FGD1: variants seen among roughly 807,000 people sequenced by gnomAD.
The protein encoded by FGD1 is FYVE, RhoGEF and PH domain-containing protein 1.
Under a neutral mutation model 65.0 loss-of-function variants are expected in FGD1, and 12 were observed. The observed-to-expected ratio is 0.18, with a 90% CI of 0.12 to 0.30. The LOEUF (loss-of-function observed/expected upper bound fraction) is 0.30. FGD1 is among the 10% of genes least tolerant of loss of function. The pLI is 1.00. For missense variants in FGD1, 542 were observed against 837.6 expected (o/e 0.65, Z 4.36); for synonymous variants, 333 against 343.9 (o/e 0.97, Z 0.35).
At chrX:54,464,267 G>A (rs1259231677) in intron 8 of FGD1, among the ~76,000 whole-genome samples, 1 of 108,548 alleles carries the variant, frequency 9.2e-6, no homozygotes, top group East Asian at 2.9e-4. Flanking sequence ...CCAAGTAGCT[G>A]GGATTACAGG....
At chrX:54,478,427 G>A (rs1923068891) in intron 1 of FGD1, among the ~76,000 whole-genome samples, 1 of 109,049 alleles carries the variant, frequency 9.2e-6, no homozygotes, top group African/African-American at 3.3e-5. Flanking sequence ...ATAAAACTAT[G>A]ATACTTGACT....
At chrX:54,486,720 G>A (rs1189413118) in intron 1 of FGD1, among the ~76,000 whole-genome samples, 1 of 106,151 alleles carries the variant, frequency 9.4e-6, no homozygotes, top group African/African-American at 3.4e-5. Flanking sequence ...CTGGCATGGT[G>A]GCTCATGCTT....
chrX:54,462,889 T>G (rs1218605187), intron 8 of FGD1, among the ~76,000 whole-genome samples: 1 of 107,925 alleles, frequency 9.3e-6, no homozygotes, highest in African/African-American at 3.4e-5. Flanking sequence ...CTCAGCCTCC[T>G]GACTAGCTGG....
At chrX:54,481,164 A>G (rs1358135437) in intron 1 of FGD1, among the ~76,000 whole-genome samples, 1 of 109,165 alleles carries the variant, frequency 9.2e-6, no homozygotes, top group Non-Finnish European at 1.9e-5. Flanking sequence ...CCTATCTCCC[A>G]CTCCCTGGAA....
Position 54,470,540 on chromosome X carries a change from G to T in FGD1, c.659+43C>A, listed in dbSNP as rs373782649. The stretch of plus-strand genomic sequence containing the variant: ...TCCTGACTATCCCTTCCTGTCCCAG[G>T]CTCCCCCTTTCCCCTAGAGGGTGCC... On this transcript the variant is annotated intron_variant, in intron 3 of 17. Transcript: ENST00000375135. The T allele has an allele frequency of 1.1e-4, 130 of 1,184,789 alleles. 1 individual carries two copies. Among genetic ancestry groups the T allele is most frequent in the Non-Finnish European group, 1.3e-4 (113 of 877,935 alleles).
intron 4 of FGD1, among the ~76,000 whole-genome samples, chrX:54,469,602 T>C (rs970980444): frequency 8.9e-6 from 1 of 112,119 alleles, no homozygotes; most frequent in Non-Finnish European, 1.9e-5. Context: ...TCCCTGGCTT[T>C]GGCCCCTACA....
intron 1 of FGD1, among the ~76,000 whole-genome samples, chrX:54,482,236 G>GCGCGCGCACACACACACACACA (rs796491256): frequency 1.2e-3 from 122 of 99,385 alleles, no homozygotes; most frequent in African/African-American, 4.4e-3. Context: ...GCACACGCGC[G>GCGCGCGCACACACACACACACA]CACACACACA....
At chrX:54,477,564 A>G (rs1420283602) in intron 1 of FGD1, among the ~76,000 whole-genome samples, 24 of 108,836 alleles carry the variant, frequency 2.2e-4, no homozygotes, top group African/African-American at 7.4e-4. Context: ...CGAATAGCTG[A>G]GATTACAGGT....
At chrX:54,447,671 GC>G (rs1489079050) in intron 16 of FGD1, among the ~76,000 whole-genome samples, 1 of 112,769 alleles carries the variant, frequency 8.9e-6, no homozygotes, top group Non-Finnish European at 1.9e-5. Context: ...AACGGCTGCT[GC>G]CTCTACAGGC....
intron 8 of FGD1, among the ~76,000 whole-genome samples, chrX:54,460,043 G>A (rs1192161456): frequency 9.2e-6 from 1 of 108,302 alleles, no homozygotes; most frequent in Non-Finnish European, 1.9e-5. Context: ...GAGGCGGGTG[G>A]ATCAAAAAGT....
intron 8 of FGD1, among the ~76,000 whole-genome samples, chrX:54,462,215 G>A (rs1330561794): frequency 1.8e-5 from 2 of 110,932 alleles, no homozygotes; most frequent in Non-Finnish European, 3.8e-5. Flanking sequence ...GGAGGAATGA[G>A]GTACTTACTT....
At chrX:54,449,932 C>T (rs1031406199) in intron 13 of FGD1, among the ~76,000 whole-genome samples, 172 bp from the exon 14 acceptor site, 4 of 111,172 alleles carry the variant, frequency 3.6e-5, no homozygotes, top group Non-Finnish European at 5.7e-5. Flanking sequence ...AAATCCAGGT[C>T]TCAGTGTTAC....
chrX:54,454,612 C>T (rs1489596482), intron 12 of FGD1, among the ~76,000 whole-genome samples: 4 of 101,446 alleles, frequency 3.9e-5, no homozygotes, highest in African/African-American at 1.1e-4. Context: ...ATCATGCCAC[C>T]GCACTCCTGG....
chrX:54,488,133 G>A (rs1159790198), intron 1 of FGD1, among the ~76,000 whole-genome samples: 33 of 104,164 alleles, frequency 3.2e-4, no homozygotes, highest in African/African-American at 1.1e-3. Flanking sequence ...GCACAGTGGC[G>A]TGTGCCTGTA....
intron 1 of FGD1, among the ~76,000 whole-genome samples, chrX:54,486,949 C>T (rs1345762202): frequency 1.9e-5 from 2 of 105,488 alleles, no homozygotes; most frequent in Non-Finnish European, 3.9e-5. Flanking sequence ...GCCGAGATTG[C>T]CACTGCACTC....
At chrX:54,479,253 A>T (rs761987384) in intron 1 of FGD1, among the ~76,000 whole-genome samples, 1 of 111,610 alleles carries the variant, frequency 9.0e-6, no homozygotes, top group South Asian at 3.7e-4. Flanking sequence ...TGGACCCTGC[A>T]TCTCCCTCAA....
At position 54,471,324 on chromosome X, in the gene FGD1, C is replaced by T. The variant is rs201149871; in HGVS notation, c.471G>A (p.Pro157=). ...TCCAGGACCACTTACCCTGTGGCTT[C>T]GGGCCCGGTGCCCGCTTCAGTGGTG... ...RPSPLKRAPG[P]KPQVPPKPSY... is the part of the protein sequence containing the mutation. The change falls in exon 2 of 18, where the codon CCG becomes CCA. Residue 157 remains proline (P), a synonymous_variant. Coordinates refer to ENST00000375135, the MANE Select transcript of FGD1 (RefSeq NM_004463.3). 6.6e-6 allele frequency: 8 copies of T among 1,209,152 alleles called. No individual in the cohort carries two copies. Among genetic ancestry groups the T allele is most frequent in the Middle Eastern group, 3.1e-4 (1 of 3,276 alleles).
intron 9 of FGD1, 52 bp downstream of exon 9, chrX:54,456,457 G>A (rs1204525780): frequency 1.7e-6 from 2 of 1,204,905 alleles, no homozygotes; most frequent in Non-Finnish European, 2.2e-6. Flanking sequence ...CCAGGATGGA[G>A]ACACCACAGG....
chrX:54,495,999 G>C lies in FGD1; in HGVS notation c.-567C>G, dbSNP rs1923534652. On this transcript the variant is annotated 5_prime_UTR_variant, in exon 1 of 18. Transcript: ENST00000375135. ...AGGGGAGGGAAGAGAGAACGGCGGT[G>C]GCCGGGGGCGCGCGTGTGCGCTGCG... The C allele has an allele frequency of 1.8e-5, 2 of 113,016 alleles. No individual in the cohort carries two copies. The allele number at this position is 113,016 out of a possible 1,213,427, so 9.3% of individuals were successfully genotyped here.
Sources: allele counts gnomAD v4.1 joint callset (sites outside exome capture counted in the v4.1 genomes callset), GRCh38; gene constraint gnomAD v4.1.1; transcripts MANE v1.5; gene names NCBI Gene and HGNC (gene_info 2026-07-23, HGNC 2026-07-21).